Variants in ITGA9 observed in about 807,000 individuals in gnomAD.
ITGA9 encodes integrin subunit alpha 9.
In ITGA9, 56 loss-of-function variants were observed where a neutral mutation model predicts 127.8. The ratio of observed to expected loss-of-function variants is 0.44; its 90% CI spans 0.35 to 0.55. The LOEUF (loss-of-function observed/expected upper bound fraction) is 0.55. Among genes scored for constraint, ITGA9 ranks in the 20% least tolerant of loss-of-function variants. The pLI is 0.00. For missense variants in ITGA9, 1,196 were observed against 1,347.1 expected (o/e 0.89, Z 1.76); for synonymous variants, 508 against 514.5 (o/e 0.99, Z 0.17).
chr3:37,773,133 G>C (rs777860519), intron 23 of ITGA9, among the ~76,000 whole-genome samples: 3 of 152,192 alleles, frequency 2.0e-5, no homozygotes, highest in Non-Finnish European at 4.4e-5. Context: ...GGCTGGGCTG[G>C]AGCTCTGCTC....
chr3:37,809,944 C>A (rs925489261), intron 27 of ITGA9, among the ~76,000 whole-genome samples: 1 of 152,198 alleles, frequency 6.6e-6, no homozygotes, highest in Non-Finnish European at 1.5e-5. Flanking sequence ...CGGCTTATTG[C>A]CATATTCCAT....
chr3:37,799,194 T>G lies in ITGA9; in HGVS notation c.2890-4629T>G, dbSNP rs534592564. 6.5e-4 allele frequency among the ~76,000 whole-genome samples: 99 copies of G among 152,316 alleles called. No individual in the cohort carries two copies. Among genetic ancestry groups the G allele is most frequent in the African/African-American group, 2.3e-3 (97 of 41,566 alleles). ...ATTTTATTTTTTAATTTTTTATTTT[T>G]TTAAGACAGAGTCTTGCTCTTTCAC... On this transcript the variant is annotated intron_variant, in intron 26 of 27. Transcript: ENST00000264741. The surrounding 1 kb of genome is among the most constrained non-coding windows in gnomAD (Gnocchi z 4.0).
intron 13 of ITGA9, among the ~76,000 whole-genome samples, chr3:37,530,784 C>T (rs940903406): frequency 1.7e-5 from 2 of 119,614 alleles, no homozygotes; most frequent in African/African-American, 6.4e-5. Context: ...CGGAGTCTCC[C>T]GCTGTCACCA....
At chr3:37,693,553 C>G (rs978032146) in intron 18 of ITGA9, among the ~76,000 whole-genome samples, 4 of 152,130 alleles carry the variant, frequency 2.6e-5, no homozygotes, top group Non-Finnish European at 4.4e-5. Context: ...CAAGGCAAAC[C>G]GCTCAAGATG....
chr3:37,651,932 G>T (rs11923453), intron 16 of ITGA9, among the ~76,000 whole-genome samples: 10,115 of 152,126 alleles, frequency 0.066, 1,059 homozygotes, highest in African/African-American at 0.22. Flanking sequence ...GTCACATCCT[G>T]TTCTTCCGTT....
chr3:37,752,098 C>G (rs569543223), intron 23 of ITGA9, among the ~76,000 whole-genome samples: 6 of 152,314 alleles, frequency 3.9e-5, no homozygotes, highest in African/African-American at 1.4e-4. Context: ...ATACTTGTTT[C>G]AGAGGCCCAC....
chr3:37,606,744 GC>G (rs1277910656), intron 15 of ITGA9, among the ~76,000 whole-genome samples: 1 of 152,084 alleles, frequency 6.6e-6, no homozygotes, highest in African/African-American at 2.4e-5. Flanking sequence ...GAGGGGATCA[GC>G]CCCCCTCAAT....
At chr3:37,464,400 T>G (rs1268838530) in intron 1 of ITGA9, among the ~76,000 whole-genome samples, 2 of 151,872 alleles carry the variant, frequency 1.3e-5, no homozygotes, top group Middle Eastern at 3.2e-3. Context: ...AGTGTCAAGG[T>G]GTTTGACCTA....
At chr3:37,481,123 C>A (rs1487244178) in intron 3 of ITGA9, among the ~76,000 whole-genome samples, 1 of 152,180 alleles carries the variant, frequency 6.6e-6, no homozygotes, top group Non-Finnish European at 1.5e-5. Context: ...TCCTTTGAAT[C>A]CTCCCAGAAC....
rs1379215911 is a variant in ITGA9, at chr3:37,627,296, A to G, written c.1690-1891A>G. Among the ~76,000 whole-genome samples the G allele has an allele frequency of 3.9e-5, 6 of 152,080 alleles. No individual in the cohort carries two copies. In the South Asian group the frequency reaches 8.3e-4, roughly 21 times the overall value. Reference sequence around the variant, plus strand: ...ATCTGTCCCCTTTGCCTGGTCTCCCATGCCTCACAGCTCAGCAGCCACAGG... The same window carrying G: ...ATCTGTCCCCTTTGCCTGGTCTCCCGTGCCTCACAGCTCAGCAGCCACAGG... On this transcript the variant is annotated intron_variant, in intron 15 of 27. Transcript: ENST00000264741.
At chr3:37,556,258 T>C (rs1194983905) in intron 15 of ITGA9, among the ~76,000 whole-genome samples, 6 of 152,196 alleles carry the variant, frequency 3.9e-5, no homozygotes, top group African/African-American at 1.4e-4. Context: ...AATACTGACT[T>C]CTTAGTAGGG....
intron 16 of ITGA9, among the ~76,000 whole-genome samples, chr3:37,635,372 A>G (rs1483095052): frequency 6.6e-6 from 1 of 152,206 alleles, no homozygotes; most frequent in African/African-American, 2.4e-5. Flanking sequence ...TAAAAGTAGA[A>G]TAAGATAAGT....
Position 37,638,325 on chromosome 3 carries a change from A to G in ITGA9, c.1839+8989A>G, listed in dbSNP as rs144438292. Reference sequence around the variant, plus strand: ...GCAGGGGGTTATTATTTTTCTAACCATGTGATTCTTTGGTTGAAATTAAAA... The same window carrying G: ...GCAGGGGGTTATTATTTTTCTAACCGTGTGATTCTTTGGTTGAAATTAAAA... On this transcript the variant is annotated intron_variant, in intron 16 of 27. Transcript: ENST00000264741. Among the ~76,000 whole-genome samples the G allele has an allele frequency of 3.1e-3, 465 of 152,158 alleles. 4 individuals carry two copies. The highest frequency in any genetic ancestry group is 6.8e-3 in the Middle Eastern group (2 of 292).
rs536174498 is a variant in ITGA9, at chr3:37,538,717, G to A, written c.1529-3708G>A. ...GGGTGCTGGTAAAACTGCCAGTTCC[G>A]CTCAGGGCTTTGGAATGAGTGGTCA... On this transcript the variant is annotated intron_variant, in intron 14 of 27. Transcript: ENST00000264741. 2.0e-5 allele frequency among the ~76,000 whole-genome samples: 3 copies of A among 152,308 alleles called. No individual in the cohort carries two copies. The South Asian group carries it at 6.2e-4, about 32-fold the overall frequency.
intron 23 of ITGA9, among the ~76,000 whole-genome samples, chr3:37,770,476 A>G (rs1696829419): frequency 6.6e-6 from 1 of 152,104 alleles, no homozygotes; most frequent in South Asian, 2.1e-4. Context: ...CTCTGAGTCA[A>G]CAGACAACTC....
At chr3:37,591,371 C>T (rs17036691) in intron 15 of ITGA9, among the ~76,000 whole-genome samples, 96,709 of 152,052 alleles carry the variant, frequency 0.64, 31,115 homozygotes, top group East Asian at 0.73. Flanking sequence ...GGAACAAATC[C>T]CATTGGCATC....
intron 15 of ITGA9, among the ~76,000 whole-genome samples, chr3:37,562,523 GCTC>G (rs1343982616): frequency 6.6e-5 from 10 of 152,144 alleles, no homozygotes; most frequent in African/African-American, 2.4e-4. Flanking sequence ...CCCTTGTTTT[GCTC>G]CTCATCAGCG....
At chr3:37,489,753 C>T (rs1374384000) in intron 4 of ITGA9, among the ~76,000 whole-genome samples, 3 of 144,104 alleles carry the variant, frequency 2.1e-5, no homozygotes, top group Non-Finnish European at 4.5e-5. Flanking sequence ...CTGTATTGTA[C>T]AATTATCAGT....
chr3:37,736,473 A>G (rs1559582830), intron 19 of ITGA9, among the ~76,000 whole-genome samples: 1 of 152,198 alleles, frequency 6.6e-6, no homozygotes, highest in African/African-American at 2.4e-5. Context: ...TCTTTTTGGC[A>G]AGTGATCCTG....
Sources: gnomAD v4.1 joint callset for allele counts (sites outside exome capture counted in the v4.1 genomes callset) on GRCh38, gnomAD v4.1.1 for gene constraint, Gnocchi (gnomAD v3.1) non-coding constraint, MANE v1.5 for transcripts, NCBI Gene and HGNC (gene_info 2026-07-23, HGNC 2026-07-21) for gene names.